DPP10: variants seen among roughly 807,000 people sequenced by gnomAD.
The protein encoded by DPP10 is inactive dipeptidyl peptidase 10.
Under a neutral mutation model 120.9 loss-of-function variants are expected in DPP10, and 33 were observed. That is an observed-to-expected ratio of 0.27 (90% CI 0.21 to 0.37). DPP10 has a LOEUF of 0.37. DPP10 is among the 10% of genes least tolerant of loss of function. The pLI, the probability that DPP10 is intolerant of heterozygous loss-of-function variation, is 1.00. For missense variants in DPP10, 816 were observed against 942.8 expected (o/e 0.87, Z 1.76); for synonymous variants, 337 against 326.1 (o/e 1.03, Z -0.36).
intron 1 of DPP10, among the ~76,000 whole-genome samples, chr2:114,942,402 C>CATATATATAT (rs61579596): frequency 0.05 from 6,316 of 127,554 alleles, 219 homozygotes; most frequent in Non-Finnish European, 0.067. Flanking sequence ...CACACACACA[C>CATATATATAT]ATATATATAT....
intron 19 of DPP10, among the ~76,000 whole-genome samples, chr2:115,793,217 G>A (rs1190440512): frequency 6.6e-6 from 1 of 152,100 alleles, no homozygotes; most frequent in East Asian, 1.9e-4. Flanking sequence ...GCTGGTTTTG[G>A]AGTCAGGTAG....
intron 1 of DPP10, among the ~76,000 whole-genome samples, chr2:114,618,560 T>A (rs1268757602): frequency 3.3e-5 from 5 of 152,014 alleles, no homozygotes; most frequent in Admixed American, 3.3e-4. Flanking sequence ...GGGTTGTTGG[T>A]GTGGGGAGGC....
Position 115,752,766 on chromosome 2 carries a change from GAAAA to G in DPP10, c.951-404_951-401del, listed in dbSNP as rs538266029. Among the ~76,000 whole-genome samples the G allele has an allele frequency of 1.6e-3, 249 of 151,936 alleles. 1 individual carries two copies. Among genetic ancestry groups the G allele is most frequent in the Middle Eastern group, 6.8e-3 (2 of 292 alleles). ...ATGATTCATTGATTGTGATTTTAAA[GAAAA>G]AAATAACATACCTTTATAAATGTAT... On this transcript the variant is annotated intron_variant, in intron 10 of 25. Transcript: ENST00000410059.
chr2:115,538,728 A>T (rs2079014110), intron 5 of DPP10, among the ~76,000 whole-genome samples: 1 of 152,012 alleles, frequency 6.6e-6, no homozygotes, highest in South Asian at 2.1e-4. Flanking sequence ...AAAAACACTG[A>T]TAAATTTTTA....
At chr2:115,567,707 C>A (rs181634775) in intron 5 of DPP10, among the ~76,000 whole-genome samples, 1 of 152,226 alleles carries the variant, frequency 6.6e-6, no homozygotes, top group East Asian at 1.9e-4. Flanking sequence ...AGGAAAATGT[C>A]GAGACATTCA....
intron 3 of DPP10, among the ~76,000 whole-genome samples, chr2:115,361,510 A>C (rs535744907): frequency 6.6e-6 from 1 of 151,894 alleles, no homozygotes; most frequent in Non-Finnish European, 1.5e-5. Context: ...CATGGGAAAA[A>C]CAGCCCTGTT....
chr2:114,890,603 TA>T (rs1692463638), intron 1 of DPP10, among the ~76,000 whole-genome samples: 1 of 152,208 alleles, frequency 6.6e-6, no homozygotes, highest in African/African-American at 2.4e-5. Flanking sequence ...AATCATCACT[TA>T]TTTGTTGTTG....
intron 1 of DPP10, among the ~76,000 whole-genome samples, chr2:114,515,264 G>A (rs1031489409): frequency 1.3e-5 from 2 of 152,152 alleles, no homozygotes; most frequent in African/African-American, 2.4e-5. Context: ...AATTTGTGAT[G>A]AGAGAATTTT....
rs190468261 is a variant in DPP10 at position 114,938,386 on chromosome 2, T to C, written c.61-370853T>C. 2.3e-3 allele frequency among the ~76,000 whole-genome samples: 346 copies of C among 152,250 alleles called. 1 individual carries two copies. Among genetic ancestry groups the C allele is most frequent in the African/African-American group, 8.0e-3 (333 of 41,564 alleles). ...ATAAATATTGGTACATAGGGTTTTA[T>C]ATACGCCACTGGTCATTTTCCAGCA... is the stretch of plus-strand genomic sequence containing the variant. On this transcript the variant is annotated intron_variant, in intron 1 of 25. Coordinates refer to ENST00000410059, the MANE Select transcript of DPP10 (RefSeq NM_020868.6).
chr2:114,997,296 TG>T (rs1327606472), intron 1 of DPP10, among the ~76,000 whole-genome samples: 1 of 147,076 alleles, frequency 6.8e-6, no homozygotes, highest in African/African-American at 2.5e-5. Context: ...GAGACCATCC[TG>T]GTCAACATGG....
intron 1 of DPP10, among the ~76,000 whole-genome samples, chr2:114,497,568 C>T (rs1682788497): frequency 6.6e-6 from 1 of 151,826 alleles, no homozygotes; most frequent in Non-Finnish European, 1.5e-5. Context: ...CATTATGGGT[C>T]TATAATTTTA....
chr2:114,834,141 C>T (rs575595144), intron 1 of DPP10: 74 of 148,044 alleles, frequency 5.0e-4, no homozygotes, highest in Non-Finnish European at 8.5e-4. Context: ...TATATATAAG[C>T]CATATCTACG....
intron 1 of DPP10, among the ~76,000 whole-genome samples, chr2:115,126,689 T>G (rs1445033999): frequency 6.6e-6 from 1 of 152,186 alleles, no homozygotes; most frequent in Non-Finnish European, 1.5e-5. Context: ...CTCTCTTGTT[T>G]CTTTTTGAGT....
Position 114,803,909 on chromosome 2 carries a change from G to A in DPP10, c.60+361071G>A, listed in dbSNP as rs182770188. On this transcript the variant is annotated intron_variant, in intron 1 of 25. Transcript: ENST00000410059. ...CAAGGAGCCTAATGTTAATCCCCAA[G>A]ACCATGGGGAAAATGTCTCCAGGCC... Among the ~76,000 whole-genome samples the A allele has an allele frequency of 5.6e-4, 85 of 152,320 alleles. No homozygotes were observed. The East Asian group carries it at 0.015, about 27-fold the overall frequency.
chr2:114,453,488 A>G (rs567741457), intron 1 of DPP10, among the ~76,000 whole-genome samples: 21 of 152,260 alleles, frequency 1.4e-4, no homozygotes, highest in Non-Finnish European at 2.1e-4. Flanking sequence ...TCCCTCATCA[A>G]ATAATTAGGG....
intron 5 of DPP10, among the ~76,000 whole-genome samples, chr2:115,569,479 A>G (rs902456219): frequency 1.3e-5 from 2 of 152,226 alleles, no homozygotes; most frequent in African/African-American, 2.4e-5. Flanking sequence ...ATCAGATATT[A>G]ATTATACTTG....
chr2:115,766,310 GTATATATA>G (rs1221483510), intron 12 of DPP10, among the ~76,000 whole-genome samples: 2,211 of 81,464 alleles, frequency 0.027, 65 homozygotes, highest in African/African-American at 0.047. Context: ...GTGTGTGTGT[GTATATATA>G]TATATATGTA....
chr2:115,582,246 C>T (rs1004872084), intron 5 of DPP10, among the ~76,000 whole-genome samples: 3 of 145,952 alleles, frequency 2.1e-5, no homozygotes, highest in Non-Finnish European at 3.0e-5. Flanking sequence ...GTGCTGCATG[C>T]TCAGTGTGTT....
chr2:115,418,148 G>A (rs943962131), intron 3 of DPP10, among the ~76,000 whole-genome samples: 3 of 152,136 alleles, frequency 2.0e-5, no homozygotes, highest in Admixed American at 1.3e-4. Flanking sequence ...TGATAGATTG[G>A]ATGTGATGTG....
Sources: gnomAD v4.1 joint callset for allele counts (sites outside exome capture counted in the v4.1 genomes callset) on GRCh38, gnomAD v4.1.1 for gene constraint, MANE v1.5 for transcripts, NCBI Gene and HGNC (gene_info 2026-07-23, HGNC 2026-07-21) for gene names.